Variants in MLIP observed in about 807,000 individuals in gnomAD.
MLIP encodes muscular LMNA-interacting protein.
MLIP carries 79 observed loss-of-function variants against 84.8 expected under a neutral mutation model. The ratio of observed to expected loss-of-function variants is 0.93; its 90% CI spans 0.78 to 1.12. The LOEUF (loss-of-function observed/expected upper bound fraction) is 1.12. MLIP is among the 50% of genes most tolerant of loss of function. The pLI, the probability that MLIP is intolerant of heterozygous loss-of-function variation, is 0.00. For missense variants in MLIP, 1,257 were observed against 1,160.6 expected (o/e 1.08, Z -1.21); for synonymous variants, 504 against 463.0 (o/e 1.09, Z -1.14).
At chr6:54,201,477 A>G (rs914011391) in intron 10 of MLIP, among the ~76,000 whole-genome samples, 6 of 152,166 alleles carry the variant, frequency 3.9e-5, no homozygotes, top group East Asian at 1.9e-4. Flanking sequence ...TTTTTAGGTC[A>G]TGTTAAGGCT....
intron 10 of MLIP, among the ~76,000 whole-genome samples, chr6:54,193,240 A>G (rs1278555580): frequency 2.0e-5 from 3 of 152,006 alleles, no homozygotes; most frequent in Non-Finnish European, 4.4e-5. Flanking sequence ...TGGAAAGGAA[A>G]TTAGAGATGA....
intron 1 of MLIP, among the ~76,000 whole-genome samples, chr6:54,091,044 A>C (rs1254001441): frequency 1.3e-5 from 2 of 152,068 alleles, no homozygotes; most frequent in Admixed American, 1.3e-4. Flanking sequence ...GAGTTGTAGG[A>C]TATTTAGAAA....
At chr6:54,093,665 T>C (rs1768015228) in intron 1 of MLIP, among the ~76,000 whole-genome samples, 1 of 152,166 alleles carries the variant, frequency 6.6e-6, no homozygotes, top group African/African-American at 2.4e-5. Context: ...CACTTTCGGA[T>C]TGCTCTATTG....
chr6:54,240,502 T>A (rs921091541), intron 12 of MLIP, among the ~76,000 whole-genome samples: 1 of 152,218 alleles, frequency 6.6e-6, no homozygotes, highest in Non-Finnish European at 1.5e-5. Context: ...GTTGCAGTGT[T>A]ATTTTGTGTG....
intron 1 of MLIP, among the ~76,000 whole-genome samples, chr6:54,027,971 C>T (rs761342857): frequency 6.6e-6 from 1 of 152,096 alleles, no homozygotes; most frequent in Non-Finnish European, 1.5e-5. Flanking sequence ...TCTAGGTTCT[C>T]ATTGTGAGAA....
At chr6:54,194,970 T>A (rs1445299540) in intron 10 of MLIP, among the ~76,000 whole-genome samples, 1 of 152,082 alleles carries the variant, frequency 6.6e-6, no homozygotes, top group Non-Finnish European at 1.5e-5. Context: ...AATGTTTGTT[T>A]AAAACAAGAA....
chr6:54,229,011 G>T (rs1780795042), intron 11 of MLIP, among the ~76,000 whole-genome samples: 1 of 152,186 alleles, frequency 6.6e-6, no homozygotes, highest in South Asian at 2.1e-4. Flanking sequence ...TTCCATTAAA[G>T]CTACCCACTG....
intron 13 of MLIP, among the ~76,000 whole-genome samples, chr6:54,261,145 A>C (rs997291497): frequency 1.3e-5 from 2 of 152,042 alleles, no homozygotes; most frequent in Non-Finnish European, 2.9e-5. Context: ...CTTAGGAGAA[A>C]ATTAAATTCT....
chr6:54,078,020 G>GA (rs1314523268), intron 1 of MLIP, among the ~76,000 whole-genome samples: 10 of 152,110 alleles, frequency 6.6e-5, no homozygotes, highest in Admixed American at 6.5e-4. Flanking sequence ...ACAGAAAAAT[G>GA]AAATGATGAC....
chr6:54,236,179 C>T (rs371808551), intron 12 of MLIP, among the ~76,000 whole-genome samples: 7 of 152,332 alleles, frequency 4.6e-5, no homozygotes, highest in East Asian at 1.9e-4. Context: ...AATCAGCACT[C>T]ATTGTGTTTG....
At chr6:54,081,956 TG>T (rs1441551363) in intron 1 of MLIP, among the ~76,000 whole-genome samples, 1 of 152,192 alleles carries the variant, frequency 6.6e-6, no homozygotes, top group Non-Finnish European at 1.5e-5. Context: ...TGAAACTTCT[TG>T]TGTAGCTCTC....
chr6:54,023,743 T>C (rs949086455), intron 1 of MLIP, among the ~76,000 whole-genome samples: 1 of 151,870 alleles, frequency 6.6e-6, no homozygotes, highest in Admixed American at 6.6e-5. Flanking sequence ...CTAATTTTTG[T>C]ATTTTTAGTA....
intron 1 of MLIP, among the ~76,000 whole-genome samples, chr6:54,119,834 G>T (rs1770279121): frequency 6.6e-6 from 1 of 151,980 alleles, no homozygotes; most frequent in Admixed American, 6.6e-5. Context: ...CAACAAAAGT[G>T]GTTCTCATCA....
rs73741468 is a variant in MLIP at position 54,206,365 on chromosome 6, T to G, written c.2718+4132T>G. The stretch of plus-strand genomic sequence containing the variant: ...GAAATGTGTGAAAAAAGGTTTTGGA[T>G]AGAATTAAAGGGAGAATATTGTTTC... On this transcript the variant is annotated intron_variant, in intron 11 of 13. Coordinates refer to ENST00000502396, the MANE Select transcript of MLIP (RefSeq NM_001281747.2). 5.5e-3 allele frequency among the ~76,000 whole-genome samples: 838 copies of G among 152,240 alleles called. 11 individuals carry two copies. The highest frequency in any genetic ancestry group is 0.018 in the African/African-American group (742 of 41,566).
At chr6:54,263,438 G>GA (rs941792950) in intron 13 of MLIP, among the ~76,000 whole-genome samples, 6 of 149,858 alleles carry the variant, frequency 4.0e-5, no homozygotes, top group Middle Eastern at 3.4e-3. Context: ...AATCTTTCAG[G>GA]AAAAAAAAAG....
chr6:54,075,344 A>T (rs1276881160), intron 1 of MLIP, among the ~76,000 whole-genome samples: 1 of 150,846 alleles, frequency 6.6e-6, no homozygotes, highest in East Asian at 1.9e-4. Flanking sequence ...GTAATTTATG[A>T]TTATTTGTCC....
chr6:54,242,056 C>T (rs930474168), intron 12 of MLIP, among the ~76,000 whole-genome samples: 1 of 152,080 alleles, frequency 6.6e-6, no homozygotes, highest in Non-Finnish European at 1.5e-5. Flanking sequence ...CTTTTGTTTC[C>T]CCATCATAGA....
intron 9 of MLIP, among the ~76,000 whole-genome samples, chr6:54,187,829 C>G (rs1199631165): frequency 6.6e-6 from 1 of 151,882 alleles, no homozygotes; most frequent in African/African-American, 2.4e-5. Flanking sequence ...ATGGTGAAAC[C>G]CCATCTCTAA....
At chr6:54,044,319 A>G (rs555868312) in intron 1 of MLIP, among the ~76,000 whole-genome samples, 3 of 152,200 alleles carry the variant, frequency 2.0e-5, no homozygotes, top group Non-Finnish European at 2.9e-5. Context: ...TCCTCCACTG[A>G]TGTGCCTTGA....
Sources: gnomAD v4.1 joint callset for allele counts (sites outside exome capture counted in the v4.1 genomes callset) on GRCh38, gnomAD v4.1.1 for gene constraint, MANE v1.5 for transcripts, NCBI Gene and HGNC (gene_info 2026-07-23, HGNC 2026-07-21) for gene names.